The following PCDH9 variants were observed in gnomAD, a reference collection of about 807,000 sequenced individuals.
The protein encoded by PCDH9 is protocadherin-9.
PCDH9 carries 24 observed loss-of-function variants against 70.6 expected under a neutral mutation model. The observed-to-expected ratio is 0.34, with a 90% CI of 0.25 to 0.48. The LOEUF (loss-of-function observed/expected upper bound fraction) is 0.48, where lower values mean the gene tolerates loss of function less well. Ranked by LOEUF, PCDH9 falls within the 20% of genes least tolerant of loss-of-function variation. The pLI, the probability that PCDH9 is intolerant of heterozygous loss-of-function variation, is 0.99. For synonymous variants in PCDH9, 562 were observed against 558.5 expected, an observed-to-expected ratio of 1.01 and a Z score of -0.09; for missense variants, 1,281 against 1,503.6, an observed-to-expected ratio of 0.85 and a Z score of 2.45.
At chr13:66,559,407 T>C (rs879741360) in intron 4 of PCDH9, among the ~76,000 whole-genome samples, 4 of 152,196 alleles carry the variant, frequency 2.6e-5, no homozygotes, top group Non-Finnish European at 4.4e-5. Context: ...TCTTATATAA[T>C]CCTACAAATC....
chr13:66,597,496 A>G (rs2138835474), intron 4 of PCDH9, among the ~76,000 whole-genome samples: 1 of 151,898 alleles, frequency 6.6e-6, no homozygotes, highest in East Asian at 1.9e-4. Flanking sequence ...AGTCCCTTCA[A>G]CAAATGGTGC....
intron 3 of PCDH9, among the ~76,000 whole-genome samples, chr13:66,898,916 C>A (rs1249034641): frequency 6.6e-6 from 1 of 151,930 alleles, no homozygotes; most frequent in African/African-American, 2.4e-5. Context: ...TCAAGATCAC[C>A]TAGGCACCCA....
chr13:66,948,351 G>A (rs1379452901), intron 2 of PCDH9, among the ~76,000 whole-genome samples: 1 of 152,004 alleles, frequency 6.6e-6, no homozygotes, highest in African/African-American at 2.4e-5. Flanking sequence ...CCAAAATAAA[G>A]GTTAGGGACT....
intron 2 of PCDH9, among the ~76,000 whole-genome samples, chr13:66,913,881 C>G (rs530349442): frequency 1.1e-4 from 17 of 152,016 alleles, no homozygotes; most frequent in African/African-American, 4.1e-4. Flanking sequence ...ATTTTTAACT[C>G]TCATTTCCAC....
intron 2 of PCDH9, among the ~76,000 whole-genome samples, chr13:67,003,851 T>C (rs2139825697): frequency 6.6e-6 from 1 of 152,348 alleles, no homozygotes; most frequent in South Asian, 2.1e-4. Context: ...AAAAAGCCTT[T>C]ATTTTAAAAA....
intron 2 of PCDH9, among the ~76,000 whole-genome samples, chr13:67,102,935 A>T (rs2086463669): frequency 6.6e-6 from 1 of 152,166 alleles, no homozygotes. Context: ...CTCCTCACAC[A>T]TAAAAATACA....
intron 4 of PCDH9, among the ~76,000 whole-genome samples, chr13:66,378,391 A>G (rs1956787433): frequency 6.6e-6 from 1 of 152,146 alleles, no homozygotes; most frequent in African/African-American, 2.4e-5. Context: ...ACTCTCTGTA[A>G]AACAGTCCTT....
intron 2 of PCDH9, among the ~76,000 whole-genome samples, chr13:67,061,112 T>TAA (rs1297918214): frequency 1.3e-5 from 2 of 152,218 alleles, no homozygotes; most frequent in South Asian, 4.1e-4. Flanking sequence ...AAAGATAATA[T>TAA]GTGTTGTTTA....
At chr13:67,103,332 T>C (rs2086470197) in intron 2 of PCDH9, among the ~76,000 whole-genome samples, 1 of 152,176 alleles carries the variant, frequency 6.6e-6, no homozygotes, top group African/African-American at 2.4e-5. Context: ...AATGTGATGA[T>C]CTACAGGTGA....
chr13:67,172,007 T>G (rs910839862), intron 2 of PCDH9, among the ~76,000 whole-genome samples: 6 of 152,198 alleles, frequency 3.9e-5, no homozygotes, highest in Admixed American at 6.5e-5. Flanking sequence ...CAGTCACAAT[T>G]TAAGACCACC....
intron 3 of PCDH9, among the ~76,000 whole-genome samples, chr13:66,707,998 G>A (rs184554947): frequency 9.9e-5 from 15 of 152,094 alleles, no homozygotes; most frequent in African/African-American, 3.6e-4. Flanking sequence ...TTCTTATTTT[G>A]AAGAAAATCT....
At chr13:66,709,973 C>G in intron 3 of PCDH9, among the ~76,000 whole-genome samples, 1 of 152,050 alleles carries the variant, frequency 6.6e-6, no homozygotes, top group East Asian at 1.9e-4. Context: ...TAATATTTTT[C>G]ATAGTAATTT....
chr13:66,767,168 G>A (rs548058113), intron 3 of PCDH9, among the ~76,000 whole-genome samples: 1 of 151,564 alleles, frequency 6.6e-6, no homozygotes, highest in African/African-American at 2.4e-5. Context: ...AAGCAGTCAA[G>A]GAAAAGAAGT....
At chr13:66,406,660 A>G (rs1957286086) in intron 4 of PCDH9, among the ~76,000 whole-genome samples, 1 of 152,196 alleles carries the variant, frequency 6.6e-6, no homozygotes, top group Non-Finnish European at 1.5e-5. Flanking sequence ...ACAAAGTTAT[A>G]TTCTTAATCT....
In PCDH9 at chr13:66,687,315, C is replaced by T. The variant is rs79164623; in HGVS notation, c.3139-55904G>A. Among the ~76,000 whole-genome samples, 330 of 152,244 alleles carry T rather than the reference C, an allele frequency of 2.2e-3. 1 individual carries two copies. The highest frequency in any genetic ancestry group is 7.6e-3 in the African/African-American group (317 of 41,562). The stretch of plus-strand genomic sequence containing the variant: ...AAAAGTTAGGCAGTCACTCTTTAAA[C>T]TTCTGCTTCATCAATGTCTACTGGC... On this transcript the variant is annotated intron_variant, in intron 3 of 4. Coordinates refer to ENST00000377865, the MANE Select transcript of PCDH9 (RefSeq NM_203487.3).
chr13:66,961,669 T>G (rs1457634360), intron 2 of PCDH9, among the ~76,000 whole-genome samples: 1 of 152,092 alleles, frequency 6.6e-6, no homozygotes, highest in Non-Finnish European at 1.5e-5. Context: ...AATGTAAGGC[T>G]GCAAAGCCAA....
chr13:67,012,410 C>A (rs1188229283), intron 2 of PCDH9, among the ~76,000 whole-genome samples: 2 of 151,766 alleles, frequency 1.3e-5, no homozygotes, highest in Non-Finnish European at 2.9e-5. Context: ...CAAGGCACAA[C>A]AAGTAAGTTA....
At chr13:67,224,561 G>C (rs2089805396) in intron 2 of PCDH9, 1 of 153,094 alleles carries the variant, frequency 6.5e-6, no homozygotes, top group South Asian at 2.1e-4. Flanking sequence ...ACTAATTCTG[G>C]ATTTGGTTGA....
At chr13:66,689,999 T>G (rs1207809917) in intron 3 of PCDH9, among the ~76,000 whole-genome samples, 1 of 152,170 alleles carries the variant, frequency 6.6e-6, no homozygotes, top group African/African-American at 2.4e-5. Flanking sequence ...GCTACTAAAT[T>G]TGATGAGCAT....
Sources: allele counts gnomAD v4.1 joint callset (sites outside exome capture counted in the v4.1 genomes callset), GRCh38; gene constraint gnomAD v4.1.1; transcripts MANE v1.5; gene names NCBI Gene and HGNC (gene_info 2026-07-23, HGNC 2026-07-21).